MZT2A: variants seen among roughly 807,000 people sequenced by gnomAD.
MZT2A encodes the protein mitotic spindle organizing protein 2A.
Under a neutral mutation model 12.4 loss-of-function variants are expected in MZT2A, and 8 were observed. The observed-to-expected ratio is 0.64, with a 90% CI of 0.38 to 1.16. The LOEUF is 1.16. Among genes scored for constraint, MZT2A ranks in the 50% most tolerant of loss-of-function variants. The probability of loss-of-function intolerance (pLI) is 0.01; values close to 1 mark genes in which losing one functional copy is unlikely to be tolerated. For missense variants in MZT2A, 181 were observed against 223.6 expected (o/e 0.81, Z 1.22); for synonymous variants, 88 against 107.5 (o/e 0.82, Z 1.12).
intron 2 of MZT2A, chr2:131,476,081 C>T (rs7571947): frequency 0.1 from 154,176 of 1,532,246 alleles, 12,288 homozygotes; most frequent in African/African-American, 0.42. Flanking sequence ...GGCGGCCTGG[C>T]ACCGGCGGGC....
Position 131,484,297 on chromosome 2 carries a change from G to A in MZT2A, c.320-79C>T, listed in dbSNP as rs1678966763. 38 of 1,568,864 alleles carry A rather than the reference G, an allele frequency of 2.4e-5. No individual in the cohort carries two copies. In the South Asian group the frequency reaches 4.2e-4, roughly 17 times the overall value. On this transcript the variant is annotated intron_variant, in intron 2 of 2. Coordinates refer to ENST00000309451, the MANE Select transcript of MZT2A (RefSeq NM_001085365.2). Reference sequence around the variant, plus strand: ...CACCTGCTGTACTCGTGCTCCTTGGGCAACATTTGTGTCTACACATTTCCA... The same window carrying A: ...CACCTGCTGTACTCGTGCTCCTTGGACAACATTTGTGTCTACACATTTCCA...
At chr2:131,481,373 A>T (rs1678860184), downstream of MZT2A, among the ~76,000 whole-genome samples, 1 of 150,528 alleles carries the variant, frequency 6.6e-6, no homozygotes, top group African/African-American at 2.5e-5. Context: ...GGCTCCAGCG[A>T]TTCTCTCACC....
At chr2:131,479,444 G>T (rs1395136133), downstream of MZT2A, 2 of 1,613,996 alleles carry the variant, frequency 1.2e-6, no homozygotes, top group Non-Finnish European at 1.7e-6. Flanking sequence ...TCCTGGACCG[G>T]ATCCGCAAAC....
chr2:131,489,920 G>A (rs1679219692), intron 2 of MZT2A: 2 of 976,056 alleles, frequency 2.0e-6, no homozygotes. Context: ...AGCCCTGAGT[G>A]AGTGCTAAGT....
intron 2 of MZT2A, among the ~76,000 whole-genome samples, chr2:131,485,796 G>C (rs907789577): frequency 7.9e-5 from 12 of 152,036 alleles, no homozygotes; most frequent in Non-Finnish European, 1.6e-4. Context: ...ATGCAACCGG[G>C]TGTCTAGGGA....
At chr2:131,484,240 T>C (rs745822624) in intron 2 of MZT2A, 22 bp from the exon 3 acceptor site, 5 of 1,610,200 alleles carry the variant, frequency 3.1e-6, no homozygotes, top group Non-Finnish European at 3.4e-6. Context: ...CAAAGCACAA[T>C]GATTAGGAAT....
intron 2 of MZT2A, chr2:131,489,416 G>C (rs1357247992): frequency 6.6e-6 from 1 of 151,122 alleles, no homozygotes; most frequent in Middle Eastern, 3.2e-3. Flanking sequence ...CCAGGCTGGA[G>C]TGCAGTGGCG....
intron 2 of MZT2A, among the ~76,000 whole-genome samples, chr2:131,476,664 C>T (rs1273073666): frequency 6.6e-6 from 1 of 152,116 alleles, no homozygotes; most frequent in Non-Finnish European, 1.5e-5. Flanking sequence ...CCAGGCGCGG[C>T]GGCTCACGCC....
intron 2 of MZT2A, among the ~76,000 whole-genome samples, chr2:131,487,625 G>T (rs557075807): frequency 2.0e-5 from 3 of 152,272 alleles, no homozygotes; most frequent in African/African-American, 7.2e-5. Context: ...TCTTTTTCTT[G>T]TTTCTTTGTA....
At chr2:131,493,158 C>A (rs1311558864), upstream of MZT2A, 17 of 1,435,644 alleles carry the variant, frequency 1.2e-5, no homozygotes, top group Non-Finnish European at 1.6e-5. Flanking sequence ...GCGCGGGACG[C>A]GCGCGTGAGA....
chr2:131,480,651 A>G (rs1573861681), downstream of MZT2A: 1 of 1,613,800 alleles, frequency 6.2e-7, no homozygotes, highest in Admixed American at 1.7e-5. Context: ...CATGTTGTAC[A>G]GGGGGGACGT....
intron 2 of MZT2A, chr2:131,476,182 G>T (rs7561673): frequency 6.2e-7 from 1 of 1,613,600 alleles, no homozygotes; most frequent in Admixed American, 1.7e-5. Flanking sequence ...GCGTTGGGCT[G>T]AAGCAGCGGA....
intron 2 of MZT2A, among the ~76,000 whole-genome samples, chr2:131,487,520 G>A (rs1256382711): frequency 6.6e-6 from 1 of 152,180 alleles, no homozygotes; most frequent in Admixed American, 6.5e-5. Context: ...TGCACAATTA[G>A]CTCAAATACT....
chr2:131,492,749 T>C (rs1679395165), upstream of MZT2A: 14 of 1,014,106 alleles, frequency 1.4e-5, no homozygotes, highest in Non-Finnish European at 1.8e-5. Flanking sequence ...AATTTTCTGG[T>C]CCGCACCGGT....
At chr2:131,492,055 C>T in intron 1 of MZT2A, 31 bp from the exon 2 acceptor site, 1 of 1,556,392 alleles carries the variant, frequency 6.4e-7, no homozygotes, top group Non-Finnish European at 8.7e-7. Flanking sequence ...GCCGGTGAGC[C>T]CTCTCCGCCC....
chr2:131,475,272 T>A (rs1678617742), intron 2 of MZT2A, among the ~76,000 whole-genome samples: 1 of 150,464 alleles, frequency 6.6e-6, no homozygotes, highest in Non-Finnish European at 1.5e-5. Flanking sequence ...TGAGCTGGTG[T>A]GCCTGACCCA....
chr2:131,480,639 T>C, downstream of MZT2A: 1 of 1,613,798 alleles, frequency 6.2e-7, no homozygotes, highest in Non-Finnish European at 8.5e-7. Context: ...CATGGCCTGC[T>C]GCATGTTGTA....
intron 2 of MZT2A, chr2:131,478,265 A>G: frequency 6.2e-7 from 1 of 1,614,052 alleles, no homozygotes; most frequent in Middle Eastern, 1.7e-4. Context: ...CCGATGGCCA[A>G]ATGCCAAGTG....
At chr2:131,489,550 A>C (rs1679202948) in intron 2 of MZT2A, 1 of 150,984 alleles carries the variant, frequency 6.6e-6, no homozygotes, top group Non-Finnish European at 1.5e-5. Flanking sequence ...TTGTATTTTT[A>C]GTAGAGATGG....
Sources: allele counts gnomAD v4.1 joint callset (sites outside exome capture counted in the v4.1 genomes callset), GRCh38; gene constraint gnomAD v4.1.1; transcripts MANE v1.5; gene names NCBI Gene and HGNC (gene_info 2026-07-23, HGNC 2026-07-21).